The following CNTNAP2 variants were observed in gnomAD, a reference collection of about 807,000 sequenced individuals.
CNTNAP2 encodes contactin-associated protein-like 2.
In CNTNAP2, 98 loss-of-function variants were observed where a neutral mutation model predicts 155.2. The observed-to-expected ratio is 0.63, with a 90% confidence interval of 0.54 to 0.75. The LOEUF (loss-of-function observed/expected upper bound fraction) is 0.75. Among genes scored for constraint, CNTNAP2 ranks in the 30% least tolerant of loss-of-function variants. The pLI is 0.00. For synonymous variants in CNTNAP2, 651 were observed against 631.2 expected, an observed-to-expected ratio of 1.03 and a Z score of -0.47; for missense variants, 1,727 against 1,688.1, an observed-to-expected ratio of 1.02 and a Z score of -0.40.
intron 20 of CNTNAP2, among the ~76,000 whole-genome samples, chr7:148,262,059 G>A (rs192116227): frequency 1.3e-5 from 2 of 152,156 alleles, no homozygotes; most frequent in Admixed American, 1.3e-4. Flanking sequence ...GATAATTGAC[G>A]CAAAGGGACC....
At chr7:147,321,348 G>T (rs1208697450) in intron 9 of CNTNAP2, among the ~76,000 whole-genome samples, 2 of 152,210 alleles carry the variant, frequency 1.3e-5, no homozygotes, top group African/African-American at 4.8e-5. Context: ...GGGGCCACAG[G>T]CTTACTTCCT....
chr7:147,429,022 C>A (rs566780556), intron 10 of CNTNAP2, among the ~76,000 whole-genome samples: 1 of 152,080 alleles, frequency 6.6e-6, no homozygotes, highest in East Asian at 1.9e-4. Context: ...TGAGAATATA[C>A]AATGTTTGAT....
At chr7:147,417,089 CAA>C (rs3050513) in intron 10 of CNTNAP2, among the ~76,000 whole-genome samples, 2,124 of 126,234 alleles carry the variant, frequency 0.017, 28 homozygotes, top group African/African-American at 0.045. Context: ...ACTCTGGTCT[CAA>C]AAAAAAAAAA....
intron 3 of CNTNAP2, among the ~76,000 whole-genome samples, chr7:146,927,893 AGTGT>A (rs572422288): frequency 6.6e-6 from 1 of 151,166 alleles, no homozygotes; most frequent in African/African-American, 2.4e-5. Flanking sequence ...CTATAGAGAG[AGTGT>A]GTGTGTATAC....
At chr7:146,845,332 G>C (rs947090943) in intron 3 of CNTNAP2, among the ~76,000 whole-genome samples, 4 of 152,146 alleles carry the variant, frequency 2.6e-5, no homozygotes, top group African/African-American at 9.7e-5. Flanking sequence ...ATATGGAGTC[G>C]AAAGGTCTGA....
At chr7:147,979,546 C>T (rs1489272917) in intron 15 of CNTNAP2, among the ~76,000 whole-genome samples, 1 of 152,174 alleles carries the variant, frequency 6.6e-6, no homozygotes, top group Non-Finnish European at 1.5e-5. Context: ...AAAGTGTTCC[C>T]ATTAAATAAT....
At chr7:147,543,897 T>C (rs1799682942) in intron 11 of CNTNAP2, among the ~76,000 whole-genome samples, 1 of 152,238 alleles carries the variant, frequency 6.6e-6, no homozygotes, top group Non-Finnish European at 1.5e-5. Context: ...TCCCATTCTA[T>C]GTTCAATTCA....
rs372050738 is a variant in CNTNAP2, at chr7:146,163,872, G to A, written c.97+46899G>A. ...TTTCTTTTGAAGGTTTATAATTGGCGTTTGGTTGAGTTTAGTAAGTGTTCC... is the reference window on the plus strand; with the variant it reads ...TTTCTTTTGAAGGTTTATAATTGGCATTTGGTTGAGTTTAGTAAGTGTTCC... On this transcript the variant is annotated intron_variant, in intron 1 of 23. Coordinates refer to ENST00000361727, the MANE Select transcript of CNTNAP2 (RefSeq NM_014141.6). Among the ~76,000 whole-genome samples, 37 of 152,204 alleles carry A rather than the reference G, an allele frequency of 2.4e-4. No individual in the cohort carries two copies. In the South Asian group the frequency reaches 7.5e-3, roughly 31 times the overall value.
At chr7:147,889,193 A>G (rs886579580) in intron 13 of CNTNAP2, among the ~76,000 whole-genome samples, 9 of 152,146 alleles carry the variant, frequency 5.9e-5, no homozygotes, top group African/African-American at 1.9e-4. Flanking sequence ...GAATGAAGAA[A>G]AACTATCAAT....
intron 1 of CNTNAP2, among the ~76,000 whole-genome samples, chr7:146,349,250 G>A (rs1259758823): frequency 2.0e-5 from 3 of 146,520 alleles, no homozygotes; most frequent in African/African-American, 8.3e-5. Context: ...TGTGGGTGGG[G>A]AACGAGGTCA....
intron 14 of CNTNAP2, among the ~76,000 whole-genome samples, chr7:147,960,750 C>CTCTGTCAAAGATGCTGTA (rs1801103951): frequency 6.6e-6 from 1 of 152,008 alleles, no homozygotes. Flanking sequence ...GGGACTCTCT[C>CTCTGTCAAAGATGCTGTA]TCTGTCAAAG....
intron 1 of CNTNAP2, among the ~76,000 whole-genome samples, chr7:146,457,665 G>A (rs977459560): frequency 2.0e-5 from 3 of 149,918 alleles, no homozygotes; most frequent in Admixed American, 6.7e-5. Context: ...CACCATGCCC[G>A]GTTAATTTTT....
At chr7:148,139,845 A>G (rs1805026021) in intron 16 of CNTNAP2, among the ~76,000 whole-genome samples, 1 of 152,176 alleles carries the variant, frequency 6.6e-6, no homozygotes, top group African/African-American at 2.4e-5. Context: ...AGCCTCAATC[A>G]CATACTTCTA....
At position 146,200,551 on chromosome 7, in the gene CNTNAP2, C is replaced by A. The variant is rs571306750; in HGVS notation, c.97+83578C>A. On this transcript the variant is annotated intron_variant, in intron 1 of 23. Coordinates refer to ENST00000361727, the MANE Select transcript of CNTNAP2 (RefSeq NM_014141.6). ...ACACACACACACACACATATATATA[C>A]TGTGTTTTTACTATGCTTTCCTTTG... Among the ~76,000 whole-genome samples the A allele has an allele frequency of 2.3e-4, 31 of 135,498 alleles. No homozygotes were observed. In the South Asian group the frequency reaches 7.4e-3, roughly 32 times the overall value. The allele number at this position is 135,498 out of a possible 152,430, so 88.9% of individuals were successfully genotyped here. A position where few individuals can be genotyped will look rare whatever the true frequency, so the allele number is the denominator to read the frequency against.
At chr7:148,195,599 T>TACC (rs1795263668) in intron 18 of CNTNAP2, among the ~76,000 whole-genome samples, 1 of 152,176 alleles carries the variant, frequency 6.6e-6, no homozygotes. Flanking sequence ...GGCAATGAAA[T>TACC]ACCGCAAAGA....
chr7:146,616,964 A>G (rs1012347546), intron 1 of CNTNAP2, among the ~76,000 whole-genome samples: 4 of 152,224 alleles, frequency 2.6e-5, no homozygotes, highest in African/African-American at 9.6e-5. Flanking sequence ...AGTTGGTTAT[A>G]ATTACGTGAT....
intron 1 of CNTNAP2, among the ~76,000 whole-genome samples, chr7:146,514,712 T>A (rs1452333154): frequency 3.3e-5 from 5 of 152,154 alleles, no homozygotes; most frequent in Non-Finnish European, 7.4e-5. Flanking sequence ...TTAGGGTCAA[T>A]CACTAGTTTC....
At chr7:146,552,059 A>G (rs546849337) in intron 1 of CNTNAP2, among the ~76,000 whole-genome samples, 1 of 152,242 alleles carries the variant, frequency 6.6e-6, no homozygotes, top group East Asian at 1.9e-4. Context: ...GGGCTCATGA[A>G]GGGTCCTATA....
intron 21 of CNTNAP2, among the ~76,000 whole-genome samples, chr7:148,275,229 A>G (rs1455909046): frequency 6.6e-6 from 1 of 152,208 alleles, no homozygotes; most frequent in Non-Finnish European, 1.5e-5. Context: ...GTTTCTGGAA[A>G]AGAAGGTAAT....
Sources: gnomAD v4.1 joint callset for allele counts (sites outside exome capture counted in the v4.1 genomes callset) on GRCh38, gnomAD v4.1.1 for gene constraint, MANE v1.5 for transcripts, NCBI Gene and HGNC (gene_info 2026-07-23, HGNC 2026-07-21) for gene names.